LINGO2: variants seen among roughly 807,000 people sequenced by gnomAD.
LINGO2 encodes the protein leucine-rich repeat and immunoglobulin-like domain-containing nogo receptor-interacting protein 2.
In LINGO2, 14 loss-of-function variants were observed where a neutral mutation model predicts 30.6. That is an observed-to-expected ratio of 0.46 (90% CI 0.30 to 0.72). The LOEUF is 0.72. Among genes scored for constraint, LINGO2 ranks in the 30% least tolerant of loss-of-function variants. LINGO2 has a pLI of 0.07. For missense variants in LINGO2, 729 were observed against 751.7 expected, an observed-to-expected ratio of 0.97 and a Z score of 0.35; for synonymous variants, 317 against 288.5, an observed-to-expected ratio of 1.10 and a Z score of -1.00.
chr9:28,555,554 C>A (rs377743413), intron 1 of LINGO2, among the ~76,000 whole-genome samples: 43 of 152,068 alleles, frequency 2.8e-4, no homozygotes, highest in East Asian at 1.5e-3. Flanking sequence ...TCACAGCCGA[C>A]TTCTACCAGA....
intron 5 of LINGO2, among the ~76,000 whole-genome samples, chr9:27,962,863 C>T (rs1274841192): frequency 6.6e-6 from 1 of 152,108 alleles, no homozygotes; most frequent in Non-Finnish European, 1.5e-5. Flanking sequence ...TCCATTAATT[C>T]TGATCAAAGG....
chr9:28,308,494 G>A (rs1186142471), intron 3 of LINGO2, among the ~76,000 whole-genome samples: 1 of 146,416 alleles, frequency 6.8e-6, no homozygotes, highest in African/African-American at 2.5e-5. Context: ...GAAAACCTAG[G>A]CGTTACCATT....
At chr9:28,019,477 C>T (rs1823008321) in intron 4 of LINGO2, among the ~76,000 whole-genome samples, 1 of 151,856 alleles carries the variant, frequency 6.6e-6, no homozygotes, top group Admixed American at 6.6e-5. Context: ...CTAAACTCAC[C>T]AATGAAACAA....
At position 28,350,024 on chromosome 9, in the gene LINGO2, G is replaced by A. The variant is rs374933116; in HGVS notation, c.-246+22812C>T. On this transcript the variant is annotated intron_variant, in intron 3 of 5. Coordinates refer to ENST00000379992, the Ensembl canonical transcript of LINGO2. ...GCACTAAACATGGAAAGGAACAACC[G>A]GTACCAGCCGCTGCAAAATCATGCC... 4.9e-4 allele frequency among the ~76,000 whole-genome samples: 73 copies of A among 150,432 alleles called. No individual in the cohort carries two copies. The East Asian group carries it at 7.4e-3, about 15-fold the overall frequency.
chr9:28,574,168 G>A (rs531326178), intron 1 of LINGO2, among the ~76,000 whole-genome samples: 5 of 152,266 alleles, frequency 3.3e-5, no homozygotes, highest in East Asian at 3.9e-4. Context: ...GTTAGCATGT[G>A]AGTGTGTGTG....
chr9:28,891,560 A>C, the LINGO2 span, among the ~76,000 whole-genome samples: 1 of 151,946 alleles, frequency 6.6e-6, no homozygotes, highest in Non-Finnish European at 1.5e-5. Flanking sequence ...TGTCATTATA[A>C]TGAAGTCTGG....
intron 4 of LINGO2, among the ~76,000 whole-genome samples, chr9:28,241,285 A>G (rs1352902293): frequency 1.4e-4 from 8 of 57,776 alleles, no homozygotes; most frequent in African/African-American, 3.8e-4. Context: ...AAAAAAAAAA[A>G]AAAAAAAGAA....
chr9:28,060,978 T>A (rs116602995), intron 4 of LINGO2, among the ~76,000 whole-genome samples: 1 of 152,044 alleles, frequency 6.6e-6, no homozygotes, highest in East Asian at 1.9e-4. Context: ...ATCCCCATTT[T>A]TTAGAGAGGC....
intron 4 of LINGO2, among the ~76,000 whole-genome samples, chr9:28,172,322 C>T (rs1828625299): frequency 1.3e-5 from 2 of 148,688 alleles, no homozygotes; most frequent in South Asian, 2.1e-4. Context: ...ACCCGGGAGG[C>T]GGAGCTTGCA....
the LINGO2 span, among the ~76,000 whole-genome samples, chr9:29,177,958 T>A: frequency 6.6e-6 from 1 of 152,138 alleles, no homozygotes; most frequent in African/African-American, 2.4e-5. Context: ...TCTTCCACAA[T>A]TACCTCTCAC....
the LINGO2 span, among the ~76,000 whole-genome samples, chr9:28,953,464 T>C: frequency 6.6e-6 from 1 of 152,032 alleles, no homozygotes; most frequent in Non-Finnish European, 1.5e-5. Flanking sequence ...AACACTAATT[T>C]AAAAATAAAA....
chr9:28,216,561 A>T (rs1480296999), intron 4 of LINGO2, among the ~76,000 whole-genome samples: 2 of 151,996 alleles, frequency 1.3e-5, no homozygotes, highest in African/African-American at 4.8e-5. Flanking sequence ...CACTACAGAT[A>T]AACTCCCACT....
intron 2 of LINGO2, among the ~76,000 whole-genome samples, chr9:28,462,836 C>A (rs1410508920): frequency 6.6e-6 from 1 of 151,818 alleles, no homozygotes; most frequent in African/African-American, 2.4e-5. Flanking sequence ...AGGATTTTTC[C>A]AAGGAACTAT....
chr9:27,949,251 T>G, exon 6 of LINGO2: 1 of 1,614,114 alleles, frequency 6.2e-7, no homozygotes, highest in Non-Finnish European at 8.5e-7. Context: ...GTCTTGATCC[T>G]GGGCAAAGCG....
At chr9:28,090,686 T>G (rs935021488) in intron 4 of LINGO2, among the ~76,000 whole-genome samples, 4 of 152,152 alleles carry the variant, frequency 2.6e-5, no homozygotes, top group African/African-American at 9.7e-5. Flanking sequence ...ACCACTCCTA[T>G]TCAACATAGC....
At chr9:28,576,641 AT>A (rs764101057) in intron 1 of LINGO2, among the ~76,000 whole-genome samples, 1 of 152,058 alleles carries the variant, frequency 6.6e-6, no homozygotes, top group African/African-American at 2.4e-5. Context: ...AGTTTTTAGG[AT>A]TTTTTTGAAG....
chr9:28,343,458 A>T (rs547771204), intron 3 of LINGO2, among the ~76,000 whole-genome samples: 1 of 152,282 alleles, frequency 6.6e-6, no homozygotes, highest in South Asian at 2.1e-4. Flanking sequence ...AGTCTAAGGT[A>T]AATATTTTGT....
the LINGO2 span, among the ~76,000 whole-genome samples, chr9:28,819,356 T>C: frequency 6.6e-6 from 1 of 152,064 alleles, no homozygotes; most frequent in African/African-American, 2.4e-5. Context: ...CTTCTTCCCC[T>C]CCCCTCCCAA....
At position 28,454,427 on chromosome 9, in the gene LINGO2, T is replaced by C. The variant is rs565281534; in HGVS notation, c.-279+21513A>G. Among the ~76,000 whole-genome samples the C allele has an allele frequency of 3.3e-5, 5 of 152,116 alleles. No homozygotes were observed. The East Asian group carries it at 7.7e-4, about 23-fold the overall frequency. ...AACAAAATTTCCAAAAGGGTTGATA[T>C]AACACCTGCAGAATAATGTATTTAA... On this transcript the variant is annotated intron_variant, in intron 2 of 5. Coordinates refer to ENST00000379992, the Ensembl canonical transcript of LINGO2.
Sources: allele counts gnomAD v4.1 joint callset (sites outside exome capture counted in the v4.1 genomes callset), GRCh38; gene constraint gnomAD v4.1.1; transcripts MANE v1.5; gene names NCBI Gene and HGNC (gene_info 2026-07-23, HGNC 2026-07-21).